Variants in ACER3 observed in about 807,000 individuals in gnomAD.
The protein encoded by ACER3 is alkCDase 3.
A neutral mutation model predicts 48.9 loss-of-function variants in ACER3; 16 were observed. The observed-to-expected ratio is 0.33, with a 90% CI of 0.22 to 0.50. ACER3 has a LOEUF of 0.50. ACER3 is among the 20% of genes least tolerant of loss of function. The pLI, the probability that ACER3 is intolerant of heterozygous loss-of-function variation, is 0.98. For synonymous variants in ACER3, 109 were observed against 107.8 expected (o/e 1.01, Z -0.07); for missense variants, 227 against 326.0 (o/e 0.70, Z 2.34).
chr11:76,976,434 G>T, intron 4 of ACER3, 93 bp downstream of exon 4: 1 of 673,552 alleles, frequency 1.5e-6, no homozygotes. Context: ...TATATTACTA[G>T]GATATTTTAA....
chr11:76,993,593 A>C (rs1206567811), intron 6 of ACER3, among the ~76,000 whole-genome samples: 1 of 152,232 alleles, frequency 6.6e-6, no homozygotes, highest in Non-Finnish European at 1.5e-5. Context: ...AAGATGTCAC[A>C]GGTAGAGAAG....
chr11:77,022,374 G>A lies in ACER3; in HGVS notation c.*2047G>A, dbSNP rs1949485101. On this transcript the variant is annotated 3_prime_UTR_variant, in exon 11 of 11. Coordinates refer to ENST00000532485, the MANE Select transcript of ACER3 (RefSeq NM_018367.7). ...AAATTGCCTAGCACCACAGTGGAGA[G>A]TCATCTACACCCCAAGGTGAGCTGT... 1 of 152,100 alleles carries A rather than the reference G, an allele frequency of 6.6e-6. No homozygotes were observed. Among genetic ancestry groups the A allele is most frequent in the Non-Finnish European group, 1.5e-5 (1 of 68,026 alleles). The allele number at this position is 152,100 out of a possible 1,614,324, so 9.4% of individuals were successfully genotyped here.
chr11:76,949,132 G>C (rs1032393400), intron 2 of ACER3, among the ~76,000 whole-genome samples: 1 of 152,164 alleles, frequency 6.6e-6, no homozygotes, highest in African/African-American at 2.4e-5. Flanking sequence ...TTGGCTGGTA[G>C]TTTGCCAAGA....
intron 2 of ACER3, among the ~76,000 whole-genome samples, chr11:76,936,600 C>T (rs547980949): frequency 7.2e-5 from 11 of 151,992 alleles, no homozygotes; most frequent in African/African-American, 2.7e-4. Context: ...AAAATAAAGT[C>T]GCTTTTGCAT....
rs1234365772 is a variant in ACER3 at position 77,013,344 on chromosome 11, A to G, written c.498-1672A>G. Reference sequence around the variant, plus strand: ...GGCAAGCCACAGACTTGGAGAAACTACTTGCAAAATATATATCCAACAAAG... The same window carrying G: ...GGCAAGCCACAGACTTGGAGAAACTGCTTGCAAAATATATATCCAACAAAG... On this transcript the variant is annotated intron_variant, in intron 7 of 10. Coordinates refer to ENST00000532485, the MANE Select transcript of ACER3 (RefSeq NM_018367.7). Among the ~76,000 whole-genome samples, 3 of 152,214 alleles carry G rather than the reference A, an allele frequency of 2.0e-5. No individual in the cohort carries two copies. In the East Asian group the frequency reaches 5.8e-4, roughly 29 times the overall value.
intron 1 of ACER3, among the ~76,000 whole-genome samples, chr11:76,888,559 C>G (rs1945730637): frequency 6.6e-6 from 1 of 152,168 alleles, no homozygotes; most frequent in South Asian, 2.1e-4. Flanking sequence ...AATCTATTAG[C>G]AGAATTCAGT....
chr11:76,963,720 T>C (rs1158675359), intron 3 of ACER3, among the ~76,000 whole-genome samples: 1 of 151,394 alleles, frequency 6.6e-6, no homozygotes, highest in Non-Finnish European at 1.5e-5. Context: ...TATTCCTATC[T>C]CAGGACAATA....
At chr11:76,937,301 C>G (rs1427656185) in intron 2 of ACER3, among the ~76,000 whole-genome samples, 1 of 152,172 alleles carries the variant, frequency 6.6e-6, no homozygotes, top group Admixed American at 6.5e-5. Flanking sequence ...GTTTTTGAAG[C>G]TGAATTTGGC....
chr11:76,936,529 A>C (rs78618532), intron 2 of ACER3, among the ~76,000 whole-genome samples: 3,247 of 152,254 alleles, frequency 0.021, 118 homozygotes, highest in African/African-American at 0.074. Context: ...AGAAAGGAAA[A>C]GGTTGACAAA....
chr11:76,971,280 G>A (rs543659827), intron 3 of ACER3, among the ~76,000 whole-genome samples: 4 of 152,228 alleles, frequency 2.6e-5, no homozygotes, highest in Non-Finnish European at 2.9e-5. Flanking sequence ...AGTGGTTCAC[G>A]CCTGTAATCG....
intron 7 of ACER3, among the ~76,000 whole-genome samples, chr11:77,002,949 AG>A (rs1174069801): frequency 6.6e-6 from 1 of 152,104 alleles, no homozygotes; most frequent in Non-Finnish European, 1.5e-5. Context: ...GAGTAGGATG[AG>A]GGGGTTCCCT....
At chr11:76,967,588 C>T (rs1273358108) in intron 3 of ACER3, among the ~76,000 whole-genome samples, 1 of 152,186 alleles carries the variant, frequency 6.6e-6, no homozygotes, top group African/African-American at 2.4e-5. Context: ...AAAAACTTAT[C>T]CACCATGATC....
At chr11:76,951,940 G>T (rs971496882) in intron 2 of ACER3, among the ~76,000 whole-genome samples, 1 of 152,178 alleles carries the variant, frequency 6.6e-6, no homozygotes, top group Non-Finnish European at 1.5e-5. Context: ...TCCAAAAGCT[G>T]ATAACTACTG....
intron 1 of ACER3, among the ~76,000 whole-genome samples, chr11:76,924,839 G>C (rs1349471930): frequency 6.6e-6 from 1 of 151,906 alleles, no homozygotes; most frequent in Admixed American, 6.6e-5. Context: ...AGCTGGGCAT[G>C]ATGGCATGCA....
chr11:76,932,666 A>G (rs1947039559), intron 2 of ACER3, among the ~76,000 whole-genome samples: 1 of 152,206 alleles, frequency 6.6e-6, no homozygotes, highest in African/African-American at 2.4e-5. Flanking sequence ...CATAGAGATT[A>G]ATAAGGAAAA....
At chr11:76,970,821 C>CTAA (rs1338967372) in intron 3 of ACER3, among the ~76,000 whole-genome samples, 2 of 152,066 alleles carry the variant, frequency 1.3e-5, no homozygotes, top group African/African-American at 2.4e-5. Flanking sequence ...CTGCCACTAT[C>CTAA]TAATCCCACA....
chr11:76,903,554 G>A (rs931658050), intron 1 of ACER3, among the ~76,000 whole-genome samples: 10 of 150,004 alleles, frequency 6.7e-5, no homozygotes, highest in Non-Finnish European at 1.3e-4. Flanking sequence ...AGAGAGGTCT[G>A]ACATGTCTGC....
At chr11:76,950,929 C>T (rs1947649839) in intron 2 of ACER3, among the ~76,000 whole-genome samples, 1 of 152,128 alleles carries the variant, frequency 6.6e-6, no homozygotes, top group Non-Finnish European at 1.5e-5. Context: ...TCTACTTGCC[C>T]TCATTTTTCT....
intron 1 of ACER3, among the ~76,000 whole-genome samples, chr11:76,875,848 G>T (rs1424255086): frequency 1.4e-5 from 2 of 144,144 alleles, no homozygotes; most frequent in Non-Finnish European, 3.0e-5. Flanking sequence ...CGATTCTCCT[G>T]CCTCAGCTTC....
Sources: allele counts gnomAD v4.1 joint callset (sites outside exome capture counted in the v4.1 genomes callset), GRCh38; gene constraint gnomAD v4.1.1; transcripts MANE v1.5; gene names NCBI Gene and HGNC (gene_info 2026-07-23, HGNC 2026-07-21).